GAS7: variants seen among roughly 807,000 people sequenced by gnomAD.
GAS7 encodes growth arrest-specific protein 7.
Under a neutral mutation model 71.1 loss-of-function variants are expected in GAS7, and 28 were observed. The ratio of observed to expected loss-of-function variants is 0.39; its 90% CI spans 0.29 to 0.54. The LOEUF (loss-of-function observed/expected upper bound fraction) is 0.54, where lower values mean the gene tolerates loss of function less well. GAS7 is among the 20% of genes least tolerant of loss of function. The probability of loss-of-function intolerance (pLI) is 0.62; values close to 1 mark genes in which losing one functional copy is unlikely to be tolerated. For missense variants in GAS7, 436 were observed against 627.8 expected (o/e 0.69, Z 3.27); for synonymous variants, 258 against 245.8 (o/e 1.05, Z -0.46).
chr17:9,910,936 T>C lies in GAS7; in HGVS notation c.*6292A>G. On this transcript the variant is annotated 3_prime_UTR_variant, in exon 14 of 14. Transcript: ENST00000432992. Reference sequence around the variant, plus strand: ...ACGGCTCTTTAACATGAAAAATGTATAAAGTATTTAGCAAAAGTTACAGAA... The same window carrying C: ...ACGGCTCTTTAACATGAAAAATGTACAAAGTATTTAGCAAAAGTTACAGAA... 4.3e-6 allele frequency: 1 copy of C among 231,800 alleles called. No homozygotes were observed. Among genetic ancestry groups the C allele is most frequent in the East Asian group, 6.1e-5 (1 of 16,338 alleles). 14.4% of individuals were successfully genotyped at this position (231,800 alleles called of 1,614,324 possible).
At chr17:10,140,161 C>T (rs1210141857) in intron 1 of GAS7, among the ~76,000 whole-genome samples, 1 of 152,194 alleles carries the variant, frequency 6.6e-6, no homozygotes. Context: ...TCTGTAAAAA[C>T]TCTCTTTTAA....
At position 9,917,932 on chromosome 17, in the gene GAS7, C is replaced by T. The variant is rs11078822; in HGVS notation, c.1317+69G>A. On this transcript the variant is annotated intron_variant, in intron 13 of 13. Transcript: ENST00000432992. ...CTTGCAGCAGCCACTTAACCTGCCA[C>T]GGCCTAGCGCCAGGCGGCTCTCCCC... 520,096 of 1,105,584 alleles carry T rather than the reference C, an allele frequency of 0.47. 127,960 individuals are homozygous for T. Among genetic ancestry groups the T allele is most frequent in the Non-Finnish European group, 0.51 (382,979 of 743,712 alleles). 68.5% of individuals were successfully genotyped at this position (1,105,584 alleles called of 1,614,324 possible).
At chr17:9,995,488 A>C (rs2071004840) in intron 2 of GAS7, among the ~76,000 whole-genome samples, 1 of 152,058 alleles carries the variant, frequency 6.6e-6, no homozygotes, top group African/African-American at 2.4e-5. Flanking sequence ...TAAAAAGAGC[A>C]AAGAACATAT....
rs61172523 is a variant in GAS7, at chr17:9,919,182, T to TCC, written c.1218+442_1218+443dup. Among the ~76,000 whole-genome samples the TCC allele has an allele frequency of 2.0e-5, 3 of 151,858 alleles. No individual in the cohort carries two copies. Among genetic ancestry groups the TCC allele is most frequent in the African/African-American group, 4.8e-5 (2 of 41,332 alleles). ...TGTTGTTCACCCTTGGTGAGAGGCC[T>TCC]CCCCCACCCCACTGCCTAGCTCCAT... On this transcript the variant is annotated intron_variant, in intron 12 of 13. Coordinates refer to ENST00000432992, the MANE Select transcript of GAS7 (RefSeq NM_201433.2). This position sits in a 1 kb window ranked among gnomAD's most constrained non-coding sequence, Gnocchi z 5.0.
At chr17:10,181,297 T>A (rs1311318559) in intron 1 of GAS7, among the ~76,000 whole-genome samples, 1 of 151,268 alleles carries the variant, frequency 6.6e-6, no homozygotes, top group Non-Finnish European at 1.5e-5. Flanking sequence ...GAGGTGGAGA[T>A]TGCAGTGAGC....
intron 1 of GAS7, among the ~76,000 whole-genome samples, chr17:10,050,714 G>A (rs960025310): frequency 6.6e-6 from 1 of 152,190 alleles, no homozygotes; most frequent in Non-Finnish European, 1.5e-5. Context: ...GAAGGGCCCA[G>A]GGAGGAAACA....
In GAS7 at chr17:9,973,422, T is replaced by C. The variant is rs146320550; in HGVS notation, c.386-3660A>G. On this transcript the variant is annotated intron_variant, in intron 3 of 13. Transcript: ENST00000432992. ...GCGCCCGCCACCATGCCCAGCTAAT[T>C]TGTGTATTTTTAGTGGAGACGGGGT... 6.5e-3 allele frequency among the ~76,000 whole-genome samples: 980 copies of C among 151,906 alleles called. 7 individuals are homozygous for C. Among genetic ancestry groups the C allele is most frequent in the African/African-American group, 0.022 (929 of 41,392 alleles).
At chr17:10,160,185 C>T (rs1319140486) in intron 1 of GAS7, among the ~76,000 whole-genome samples, 1 of 152,118 alleles carries the variant, frequency 6.6e-6, no homozygotes, top group Non-Finnish European at 1.5e-5. Flanking sequence ...GGATTACAGG[C>T]ATGAGCGACC....
chr17:10,056,400 T>C (rs1449592833), intron 1 of GAS7, among the ~76,000 whole-genome samples: 1 of 151,784 alleles, frequency 6.6e-6, no homozygotes, highest in Admixed American at 6.6e-5. Flanking sequence ...GAGGCCGAGG[T>C]GGGAGGATCG....
At chr17:10,172,994 G>A (rs528646626) in intron 1 of GAS7, among the ~76,000 whole-genome samples, 14 of 152,330 alleles carry the variant, frequency 9.2e-5, no homozygotes, top group African/African-American at 3.4e-4. Flanking sequence ...GTATTATTCA[G>A]TCATGAAAAG....
At chr17:10,130,076 G>A (rs904215170) in intron 1 of GAS7, among the ~76,000 whole-genome samples, 2 of 151,978 alleles carry the variant, frequency 1.3e-5, no homozygotes, top group African/African-American at 4.8e-5. Context: ...GGCTGAGGCA[G>A]GAGAATCTCT....
At chr17:10,023,734 G>A (rs917728214) in intron 1 of GAS7, among the ~76,000 whole-genome samples, 4 of 152,194 alleles carry the variant, frequency 2.6e-5, no homozygotes, top group Non-Finnish European at 4.4e-5. Flanking sequence ...ACACTGTTCC[G>A]GAACTGGATC....
At position 10,026,980 on chromosome 17, in the gene GAS7, T is replaced by A. The variant is rs17554770; in HGVS notation, c.184-7083A>T. On this transcript the variant is annotated intron_variant, in intron 1 of 13. Transcript: ENST00000432992. The surrounding 1 kb of genome is among the most constrained non-coding windows in gnomAD (Gnocchi z 4.5). Reference sequence around the variant, plus strand: ...TGCACAGAAAATAGTAGGGGACCCCTGGCAACGTCACAACACATCCTGAGG... The same window carrying A: ...TGCACAGAAAATAGTAGGGGACCCCAGGCAACGTCACAACACATCCTGAGG... The A allele has an allele frequency of 6.6e-6, 1 of 152,104 alleles. No homozygotes were observed. Among genetic ancestry groups the A allele is most frequent in the Non-Finnish European group, 1.5e-5 (1 of 68,006 alleles). 9.4% of individuals were successfully genotyped at this position (152,104 alleles called of 1,614,324 possible). A position where few individuals can be genotyped will look rare whatever the true frequency, so the allele number is the denominator to read the frequency against.
intron 1 of GAS7, among the ~76,000 whole-genome samples, chr17:10,082,686 C>T (rs1178348463): frequency 6.6e-6 from 1 of 152,208 alleles, no homozygotes; most frequent in Non-Finnish European, 1.5e-5. Flanking sequence ...AAAACCTATA[C>T]ACAAATGTTC....
At chr17:9,989,818 A>G (rs2070773826) in intron 2 of GAS7, among the ~76,000 whole-genome samples, 1 of 152,230 alleles carries the variant, frequency 6.6e-6, no homozygotes. Context: ...GGAAACATCA[A>G]ACATTCATTA....
intron 1 of GAS7, among the ~76,000 whole-genome samples, chr17:10,126,380 A>ACACACC (rs1567602275): frequency 1.4e-4 from 21 of 150,348 alleles, no homozygotes; most frequent in Non-Finnish European, 2.1e-4. Flanking sequence ...ACACACCCAC[A>ACACACC]CACTCACGCA....
chr17:9,972,027 C>G (rs980961918), intron 3 of GAS7, among the ~76,000 whole-genome samples: 1 of 152,216 alleles, frequency 6.6e-6, no homozygotes, highest in Non-Finnish European at 1.5e-5. Context: ...GCTTCTCCCC[C>G]AGCTACAGGG....
chr17:10,036,362 A>T, intron 1 of GAS7: 1 of 1,224,494 alleles, frequency 8.2e-7, no homozygotes, highest in Non-Finnish European at 1.2e-6. Context: ...ACCATGGCAC[A>T]GTCATTTTAG....
chr17:9,997,647 G>A (rs1251329479), intron 2 of GAS7, among the ~76,000 whole-genome samples: 1 of 152,146 alleles, frequency 6.6e-6, no homozygotes, highest in African/African-American at 2.4e-5. Flanking sequence ...ACAGGCTGAA[G>A]GCTCATTCCC....
Sources: gnomAD v4.1 joint callset for allele counts (sites outside exome capture counted in the v4.1 genomes callset) on GRCh38, gnomAD v4.1.1 for gene constraint, Gnocchi (gnomAD v3.1) non-coding constraint, MANE v1.5 for transcripts, NCBI Gene and HGNC (gene_info 2026-07-23, HGNC 2026-07-21) for gene names.